The following SRGAP1 variants were observed in gnomAD, a reference collection of about 807,000 sequenced individuals.
The protein encoded by SRGAP1 is SLIT-ROBO Rho GTPase-activating protein 1.
Under a neutral mutation model 121.9 loss-of-function variants are expected in SRGAP1, and 43 were observed. The observed-to-expected ratio is 0.35, with a 90% CI of 0.28 to 0.46. The LOEUF (loss-of-function observed/expected upper bound fraction) is 0.46. Among genes scored for constraint, SRGAP1 ranks in the 20% least tolerant of loss-of-function variants. The pLI, the probability that SRGAP1 is intolerant of heterozygous loss-of-function variation, is 1.00. For synonymous variants in SRGAP1, 447 were observed against 485.4 expected (o/e 0.92, Z 1.04); for missense variants, 1,102 against 1,350.9 (o/e 0.82, Z 2.89).
At chr12:63,943,580 TC>T in intron 1 of SRGAP1, among the ~76,000 whole-genome samples, 1 of 152,370 alleles carries the variant, frequency 6.6e-6, no homozygotes, top group Non-Finnish European at 1.5e-5. Context: ...GCTGACTGGC[TC>T]TTGGGTACAG....
chr12:63,982,932 A>G (rs924193731), intron 1 of SRGAP1: 1 of 152,228 alleles, frequency 6.6e-6, no homozygotes, highest in Non-Finnish European at 1.5e-5. Flanking sequence ...TTCCTAATGT[A>G]TTAAAATTAT....
Position 63,844,713 on chromosome 12 carries a change from G to GGATT in SRGAP1, c.-102_-99dup. 6.2e-6 allele frequency: 7 copies of GGATT among 1,124,880 alleles called. No homozygotes were observed. Among genetic ancestry groups the GGATT allele is most frequent in the Non-Finnish European group, 9.5e-6 (7 of 733,742 alleles). The allele number at this position is 1,124,880 out of a possible 1,614,324, so 69.7% of individuals were successfully genotyped here. A position where few individuals can be genotyped will look rare whatever the true frequency, so the allele number is the denominator to read the frequency against. ...CTTCCCTCGGGTCGGCGCTGCCTCT[G>GGATT]GATTGCCTGCGTGTGGGAGTACAAC... On this transcript the variant is annotated 5_prime_UTR_variant, in exon 1 of 22. Transcript: ENST00000355086. The surrounding 1 kb of genome is among the most constrained non-coding windows in gnomAD (Gnocchi z 4.3).
intron 1 of SRGAP1, among the ~76,000 whole-genome samples, chr12:63,876,335 T>A (rs1900028051): frequency 6.6e-6 from 1 of 152,190 alleles, no homozygotes; most frequent in African/African-American, 2.4e-5. Flanking sequence ...TAGAAAGGAA[T>A]AATCAGGGAG....
intron 3 of SRGAP1, among the ~76,000 whole-genome samples, chr12:64,005,736 A>G (rs571361550): frequency 8.7e-4 from 133 of 152,136 alleles, no homozygotes; most frequent in Non-Finnish European, 1.7e-3. Flanking sequence ...AGCTTTTATT[A>G]TTTAACAAGA....
chr12:64,086,906 T>G, intron 10 of SRGAP1, 93 bp from the exon 11 acceptor site: 1 of 874,396 alleles, frequency 1.1e-6, no homozygotes, highest in Non-Finnish European at 1.8e-6. Flanking sequence ...ACAAACTCAG[T>G]GTTTTAAAAT....
chr12:63,867,499 G>A (rs1202392487), intron 1 of SRGAP1, among the ~76,000 whole-genome samples: 1 of 152,236 alleles, frequency 6.6e-6, no homozygotes, highest in South Asian at 2.1e-4. Flanking sequence ...ACAGTATAGA[G>A]GTTGAGACCT....
intron 15 of SRGAP1, among the ~76,000 whole-genome samples, chr12:64,104,800 T>C (rs1006588583): frequency 2.0e-5 from 3 of 152,180 alleles, no homozygotes; most frequent in African/African-American, 7.2e-5. Context: ...CATATAACTT[T>C]ATCTAGTTTT....
At chr12:63,931,657 A>G (rs1029609328) in intron 1 of SRGAP1, among the ~76,000 whole-genome samples, 1 of 152,162 alleles carries the variant, frequency 6.6e-6, no homozygotes, top group African/African-American at 2.4e-5. Flanking sequence ...GCTACGTGCT[A>G]TGGGTCTTGT....
intron 1 of SRGAP1, among the ~76,000 whole-genome samples, chr12:63,955,497 C>G (rs573175946): frequency 6.6e-6 from 1 of 152,050 alleles, no homozygotes; most frequent in Non-Finnish European, 1.5e-5. Flanking sequence ...GACTTAACTC[C>G]TCATGCCAGT....
intron 15 of SRGAP1, among the ~76,000 whole-genome samples, chr12:64,101,066 A>G (rs555461990): frequency 5.9e-4 from 90 of 152,328 alleles, no homozygotes; most frequent in African/African-American, 2.1e-3. Context: ...AAGTTAATAT[A>G]TGATAGAAAC....
intron 4 of SRGAP1, among the ~76,000 whole-genome samples, chr12:64,041,590 C>G (rs1391712323): frequency 1.3e-5 from 2 of 151,660 alleles, no homozygotes; most frequent in South Asian, 4.2e-4. Context: ...CTGTGTTGCT[C>G]AGGCGGGTCT....
At chr12:63,899,108 C>T (rs1900846168) in intron 1 of SRGAP1, among the ~76,000 whole-genome samples, 1 of 152,102 alleles carries the variant, frequency 6.6e-6, no homozygotes, top group Non-Finnish European at 1.5e-5. Flanking sequence ...CACGATGGCT[C>T]ACACCTGTAA....
At chr12:63,954,125 G>T (rs1262089060) in intron 1 of SRGAP1, among the ~76,000 whole-genome samples, 2 of 151,972 alleles carry the variant, frequency 1.3e-5, no homozygotes, top group African/African-American at 4.8e-5. Flanking sequence ...GTTTTGTTTT[G>T]CTCAACAAAC....
intron 6 of SRGAP1, among the ~76,000 whole-genome samples, chr12:64,054,528 A>G (rs560124145): frequency 6.6e-6 from 1 of 152,132 alleles, no homozygotes; most frequent in Non-Finnish European, 1.5e-5. Context: ...AACCTGTCCC[A>G]TTGTAGTACT....
intron 8 of SRGAP1, among the ~76,000 whole-genome samples, chr12:64,070,923 T>A (rs953271660): frequency 6.6e-6 from 1 of 152,126 alleles, no homozygotes; most frequent in African/African-American, 2.4e-5. Context: ...CTCAAGTTCT[T>A]TTGAGACTTG....
At position 63,956,186 on chromosome 12, in the gene SRGAP1, G is replaced by C. The variant is rs190582482; in HGVS notation, c.68-27761G>C. ...TGCCTGACTAATTTTGTACTTTTCT[G>C]TGAAAAGTACAAAATTACTGGCTGG... On this transcript the variant is annotated intron_variant, in intron 1 of 21. Transcript: ENST00000355086. Among the ~76,000 whole-genome samples the C allele has an allele frequency of 1.2e-3, 186 of 152,110 alleles. 1 individual carries two copies. In the South Asian group the frequency reaches 0.014, roughly 12 times the overall value.
chr12:64,082,354 T>G (rs1205756337), intron 10 of SRGAP1, among the ~76,000 whole-genome samples: 1 of 152,204 alleles, frequency 6.6e-6, no homozygotes. Flanking sequence ...TGGGGCTATA[T>G]TCTAGCCAAT....
chr12:63,861,781 A>G (rs1159429021), intron 1 of SRGAP1, among the ~76,000 whole-genome samples: 1 of 152,086 alleles, frequency 6.6e-6, no homozygotes, highest in Non-Finnish European at 1.5e-5. Context: ...GAGTCCAGGA[A>G]TTTGAAACCA....
In SRGAP1 at chr12:64,148,801, C is replaced by A. The variant is rs2037089006; in HGVS notation, c.*6129C>A. ...TAGTGTAACAGTTCTCACGAGCTGACACACTGATGTATCCACCACCCAGTT... is the reference window on the plus strand; with the variant it reads ...TAGTGTAACAGTTCTCACGAGCTGAAACACTGATGTATCCACCACCCAGTT... On this transcript the variant is annotated 3_prime_UTR_variant, in exon 22 of 22. Coordinates refer to ENST00000355086, the MANE Select transcript of SRGAP1 (RefSeq NM_020762.4). 6.6e-6 allele frequency: 1 copy of A among 152,180 alleles called. No homozygotes were observed. The highest frequency in any genetic ancestry group is 2.4e-5 in the African/African-American group (1 of 41,440). 9.4% of individuals were successfully genotyped at this position (152,180 alleles called of 1,614,324 possible). A position where few individuals can be genotyped will look rare whatever the true frequency, so the allele number is the denominator to read the frequency against.
Sources: allele counts gnomAD v4.1 joint callset (sites outside exome capture counted in the v4.1 genomes callset), GRCh38; gene constraint gnomAD v4.1.1; non-coding constraint Gnocchi (gnomAD v3.1); transcripts MANE v1.5; gene names NCBI Gene and HGNC (gene_info 2026-07-23, HGNC 2026-07-21).